Variants in CAMK2D observed in about 807,000 individuals in gnomAD.
The protein encoded by CAMK2D is calcium/calmodulin dependent protein kinase II delta.
Under a neutral mutation model 84.0 loss-of-function variants are expected in CAMK2D, and 37 were observed. That is an observed-to-expected ratio of 0.44 (90% CI 0.34 to 0.58). The LOEUF (loss-of-function observed/expected upper bound fraction) is 0.58. CAMK2D is among the 20% of genes least tolerant of loss of function. The probability of loss-of-function intolerance (pLI) is 0.02; values close to 1 mark genes in which losing one functional copy is unlikely to be tolerated. For missense variants in CAMK2D, 448 were observed against 652.5 expected (o/e 0.69, Z 3.41); for synonymous variants, 202 against 212.5 (o/e 0.95, Z 0.43).
intron 3 of CAMK2D, among the ~76,000 whole-genome samples, chr4:113,652,918 C>T (rs1057515140): frequency 3.3e-5 from 5 of 152,076 alleles, no homozygotes; most frequent in African/African-American, 1.2e-4. Flanking sequence ...ATAAATCTAC[C>T]TACTTCTAAA....
intron 4 of CAMK2D, among the ~76,000 whole-genome samples, chr4:113,590,612 C>T (rs918445498): frequency 4.6e-5 from 7 of 152,070 alleles, no homozygotes; most frequent in African/African-American, 9.7e-5. Context: ...TCCAGTTCTA[C>T]TTTGAAAGCT....
At chr4:113,708,785 C>A (rs1425437081) in intron 2 of CAMK2D, among the ~76,000 whole-genome samples, 1 of 152,080 alleles carries the variant, frequency 6.6e-6, no homozygotes, top group Admixed American at 6.6e-5. Flanking sequence ...AGTGCAGTGG[C>A]GTAATCTCGG....
chr4:113,710,783 A>G (rs556755485), intron 2 of CAMK2D, among the ~76,000 whole-genome samples: 35 of 152,186 alleles, frequency 2.3e-4, no homozygotes, highest in Non-Finnish European at 4.7e-4. Flanking sequence ...TTCAGAGAAA[A>G]TATAGAATCA....
At chr4:113,639,045 C>A (rs139930412) in intron 3 of CAMK2D, among the ~76,000 whole-genome samples, 54 of 150,988 alleles carry the variant, frequency 3.6e-4, no homozygotes, top group African/African-American at 1.3e-3. Context: ...GAATTCGAGA[C>A]CAGCCTGGGC....
chr4:113,475,711 A>G (rs533448698), intron 16 of CAMK2D, among the ~76,000 whole-genome samples: 1 of 152,356 alleles, frequency 6.6e-6, no homozygotes, highest in African/African-American at 2.4e-5. Flanking sequence ...CTGTCCAGAT[A>G]ACAAAGCAGA....
At chr4:113,495,700 A>G (rs1188937393) in intron 16 of CAMK2D, among the ~76,000 whole-genome samples, 2 of 152,150 alleles carry the variant, frequency 1.3e-5, no homozygotes, top group Non-Finnish European at 2.9e-5. Context: ...ACTACTACCT[A>G]GTAATCAGGA....
chr4:113,662,671 G>A (rs75137458), intron 2 of CAMK2D, among the ~76,000 whole-genome samples: 4,143 of 152,230 alleles, frequency 0.027, 187 homozygotes, highest in African/African-American at 0.09. Context: ...CCACTGCCTC[G>A]ATTAATGCAA....
chr4:113,620,715 C>T (rs182203704), intron 3 of CAMK2D, among the ~76,000 whole-genome samples: 12 of 152,118 alleles, frequency 7.9e-5, no homozygotes, highest in Admixed American at 7.9e-4. Flanking sequence ...ACCATGTTAG[C>T]CAGGATAGTC....
chr4:113,506,283 C>G (rs756977806), intron 13 of CAMK2D, among the ~76,000 whole-genome samples: 10 of 151,918 alleles, frequency 6.6e-5, no homozygotes, highest in Non-Finnish European at 1.0e-4. Context: ...AATATTTTTC[C>G]TTTCTTTTCA....
intron 2 of CAMK2D, among the ~76,000 whole-genome samples, chr4:113,745,269 A>G (rs1041899466): frequency 6.6e-6 from 1 of 152,144 alleles, no homozygotes; most frequent in African/African-American, 2.4e-5. Context: ...TTCCCTAAAC[A>G]TTGATACTTT....
intron 16 of CAMK2D, among the ~76,000 whole-genome samples, chr4:113,496,262 C>A (rs2097928413): frequency 6.6e-6 from 1 of 152,060 alleles, no homozygotes; most frequent in South Asian, 2.1e-4. Context: ...ATGGAAGTAG[C>A]TGTTTTACTG....
chr4:113,478,193 G>A lies in CAMK2D; in HGVS notation c.1136-12589C>T, dbSNP rs72903997. Among the ~76,000 whole-genome samples, 632 of 152,162 alleles carry A rather than the reference G, an allele frequency of 4.2e-3. 8 individuals are homozygous for A. Among genetic ancestry groups the A allele is most frequent in the African/African-American group, 0.014 (587 of 41,506 alleles). ...ACTGAGAATGACTACAAAGGTTATCGCTGGCACTTGCATAGTCAGATTACA... is the reference window on the plus strand; with the variant it reads ...ACTGAGAATGACTACAAAGGTTATCACTGGCACTTGCATAGTCAGATTACA... On this transcript the variant is annotated intron_variant, in intron 16 of 20. Coordinates refer to ENST00000511664, the MANE Select transcript of CAMK2D (RefSeq NM_001321571.2).
intron 3 of CAMK2D, among the ~76,000 whole-genome samples, chr4:113,643,477 A>G (rs916233469): frequency 6.6e-5 from 10 of 152,262 alleles, no homozygotes; most frequent in African/African-American, 2.2e-4. Context: ...TCAAAAAACA[A>G]GAGCTAAGCC....
At chr4:113,507,398 G>A (rs1250031356) in intron 13 of CAMK2D, among the ~76,000 whole-genome samples, 1 of 151,382 alleles carries the variant, frequency 6.6e-6, no homozygotes, top group Non-Finnish European at 1.5e-5. Context: ...TTACAGGTAC[G>A]GCCACCACAC....
At chr4:113,722,373 C>A (rs1288964978) in intron 2 of CAMK2D, among the ~76,000 whole-genome samples, 1 of 152,102 alleles carries the variant, frequency 6.6e-6, no homozygotes, top group Non-Finnish European at 1.5e-5. Context: ...CAGTAAAACA[C>A]TGAAAATCTA....
chr4:113,531,395 G>T (rs2098457161), intron 7 of CAMK2D, 96 bp from the exon 8 acceptor site: 1 of 706,304 alleles, frequency 1.4e-6, no homozygotes, highest in Non-Finnish European at 2.6e-6. Context: ...TTCTTTATCT[G>T]ATTATATGTT....
chr4:113,718,833 G>A (rs1484436821), intron 2 of CAMK2D, among the ~76,000 whole-genome samples: 1 of 152,080 alleles, frequency 6.6e-6, no homozygotes, highest in African/African-American at 2.4e-5. Context: ...TTTTGCAAAG[G>A]TGGTTTCAAG....
At chr4:113,591,636 C>G (rs76401777) in intron 4 of CAMK2D, among the ~76,000 whole-genome samples, 1 of 152,156 alleles carries the variant, frequency 6.6e-6, no homozygotes, top group Admixed American at 6.5e-5. Context: ...CTGGAAGTTG[C>G]TTTGGAAATT....
chr4:113,571,590 T>G (rs2098753694), intron 4 of CAMK2D, among the ~76,000 whole-genome samples: 1 of 152,266 alleles, frequency 6.6e-6, no homozygotes, highest in African/African-American at 2.4e-5. Flanking sequence ...AAAGTCAAAC[T>G]CGGCTGGGCG....
Sources: allele counts gnomAD v4.1 joint callset (sites outside exome capture counted in the v4.1 genomes callset), GRCh38; gene constraint gnomAD v4.1.1; transcripts MANE v1.5; gene names NCBI Gene and HGNC (gene_info 2026-07-23, HGNC 2026-07-21).